SCN8A: variants seen among roughly 807,000 people sequenced by gnomAD.
SCN8A encodes sodium voltage-gated channel alpha subunit 8.
In SCN8A, 30 loss-of-function variants were observed where a neutral mutation model predicts 184.1. The ratio of observed to expected loss-of-function variants is 0.16; its 90% CI spans 0.12 to 0.22. The LOEUF is 0.22. Among genes scored for constraint, SCN8A ranks in the 10% least tolerant of loss-of-function variants. SCN8A has a pLI of 1.00. For synonymous variants in SCN8A, 852 were observed against 907.0 expected, an observed-to-expected ratio of 0.94 and a Z score of 1.09; for missense variants, 1,057 against 2,498.9, an observed-to-expected ratio of 0.42 and a Z score of 12.30.
intron 6 of SCN8A, among the ~76,000 whole-genome samples, chr12:51,698,719 A>G (rs572110852): frequency 4.6e-5 from 7 of 152,368 alleles, no homozygotes; most frequent in South Asian, 2.1e-4. Flanking sequence ...TAGGACAGAA[A>G]AAAGATCATT....
At chr12:51,620,199 G>A (rs1939929808) in intron 1 of SCN8A, among the ~76,000 whole-genome samples, 2 of 152,098 alleles carry the variant, frequency 1.3e-5, no homozygotes, top group African/African-American at 4.8e-5. Context: ...ATACAATGGA[G>A]CATTTTCTTA....
intron 1 of SCN8A, among the ~76,000 whole-genome samples, chr12:51,640,230 T>G (rs1334470727): frequency 3.7e-4 from 45 of 122,304 alleles, no homozygotes; most frequent in African/African-American, 1.3e-3. Context: ...TTTTTTTTTT[T>G]TTTTTTTTTT....
intron 1 of SCN8A, among the ~76,000 whole-genome samples, chr12:51,650,017 C>G (rs1348798633): frequency 6.6e-6 from 1 of 152,152 alleles, no homozygotes; most frequent in Non-Finnish European, 1.5e-5. Context: ...TTTCTTCTGC[C>G]AGATACCCTA....
intron 1 of SCN8A, among the ~76,000 whole-genome samples, chr12:51,607,661 T>A (rs754510823): frequency 4.6e-5 from 7 of 152,226 alleles, no homozygotes; most frequent in Non-Finnish European, 8.8e-5. Flanking sequence ...TGTCGAATGC[T>A]TTTTCTGCAT....
At chr12:51,799,851 C>T (rs973276429) in intron 26 of SCN8A, among the ~76,000 whole-genome samples, 4 of 152,202 alleles carry the variant, frequency 2.6e-5, no homozygotes, top group Non-Finnish European at 5.9e-5. Context: ...GAAGGAATAT[C>T]TTGACAGGCC....
intron 5 of SCN8A, 120 bp from the exon 6 acceptor site, chr12:51,688,885 T>C: frequency 6.3e-7 from 1 of 1,581,620 alleles, no homozygotes; most frequent in Non-Finnish European, 8.7e-7. Flanking sequence ...GGTGTTGGGA[T>C]AGGGCCCTGA....
At chr12:51,664,907 G>A (rs988487447) in intron 2 of SCN8A, among the ~76,000 whole-genome samples, 6 of 152,020 alleles carry the variant, frequency 3.9e-5, no homozygotes, top group Non-Finnish European at 5.9e-5. Flanking sequence ...GACAGGCCCC[G>A]ATGTGTGTTG....
intron 12 of SCN8A, among the ~76,000 whole-genome samples, chr12:51,726,217 T>C (rs1458693051): frequency 6.6e-6 from 1 of 152,240 alleles, no homozygotes. Flanking sequence ...GACTTTTTCC[T>C]GCGTCTCCAT....
chr12:51,757,872 T>C (rs1304802879), intron 14 of SCN8A, among the ~76,000 whole-genome samples: 2 of 152,236 alleles, frequency 1.3e-5, no homozygotes, highest in Admixed American at 6.5e-5. Context: ...AGAACCATTG[T>C]TTTATAGAAT....
intron 26 of SCN8A, among the ~76,000 whole-genome samples, chr12:51,799,721 C>T (rs1265454382): frequency 1.3e-5 from 2 of 152,284 alleles, no homozygotes; most frequent in East Asian, 3.9e-4. Flanking sequence ...ATAAATGGGC[C>T]GGAGTAACAT....
At chr12:51,619,217 G>A (rs973528466) in intron 1 of SCN8A, among the ~76,000 whole-genome samples, 4 of 152,104 alleles carry the variant, frequency 2.6e-5, no homozygotes, top group South Asian at 2.1e-4. Context: ...AGAAGGCCTC[G>A]TTCTTTTTAG....
chr12:51,780,600 TTTTTG>T, intron 20 of SCN8A, 44 bp from the exon 21 acceptor site: 4 of 426,500 alleles, frequency 9.4e-6, no homozygotes, highest in Non-Finnish European at 1.6e-5. Context: ...TTTTTTTTTT[TTTTTG>T]GTTACCTTTT....
At chr12:51,641,693 G>T (rs1940457645) in intron 1 of SCN8A, among the ~76,000 whole-genome samples, 1 of 152,188 alleles carries the variant, frequency 6.6e-6, no homozygotes. Context: ...ACCAATGCGT[G>T]TCCCACATCT....
chr12:51,695,938 A>C (rs765785337), intron 6 of SCN8A, among the ~76,000 whole-genome samples: 1 of 152,186 alleles, frequency 6.6e-6, no homozygotes, highest in Non-Finnish European at 1.5e-5. Flanking sequence ...GTTGGAGCTC[A>C]TGGCCTAGAA....
intron 1 of SCN8A, among the ~76,000 whole-genome samples, chr12:51,600,445 A>T (rs1939439196): frequency 6.6e-6 from 1 of 152,230 alleles, no homozygotes; most frequent in Non-Finnish European, 1.5e-5. Context: ...AGTAACTGAA[A>T]GGATTTTAGT....
Position 51,694,343 on chromosome 12 carries a change from C to A in SCN8A, c.707-5227C>A, listed in dbSNP as rs375518210. Among the ~76,000 whole-genome samples the A allele has an allele frequency of 9.8e-5, 15 of 152,360 alleles. No individual in the cohort carries two copies. In the South Asian group the frequency reaches 1.7e-3, roughly 17 times the overall value. On this transcript the variant is annotated intron_variant, in intron 6 of 26. Coordinates refer to ENST00000627620, the MANE Select transcript of SCN8A (RefSeq NM_001330260.2). ...TAGGCAGGCATTGTTCATTTGTTCACAGGATTCCTGGGCATTGTGAAACGT... is the reference window on the plus strand; with the variant it reads ...TAGGCAGGCATTGTTCATTTGTTCAAAGGATTCCTGGGCATTGTGAAACGT...
At chr12:51,605,001 G>T (rs909268648) in intron 1 of SCN8A, among the ~76,000 whole-genome samples, 2 of 152,020 alleles carry the variant, frequency 1.3e-5, no homozygotes, top group South Asian at 2.1e-4. Context: ...TCCTCCTAAC[G>T]TCCACCCTAA....
At chr12:51,772,064 T>C (rs1393481655) in intron 19 of SCN8A, among the ~76,000 whole-genome samples, 1 of 152,212 alleles carries the variant, frequency 6.6e-6, no homozygotes, top group Non-Finnish European at 1.5e-5. Flanking sequence ...TTTGGTTCAG[T>C]ACCTGCAGAC....
rs172559 is a variant in SCN8A, at chr12:51,810,462, T to A, written c.*3033T>A. 1 of 449,152 alleles carries A rather than the reference T, an allele frequency of 2.2e-6. No homozygotes were observed. The highest frequency in any genetic ancestry group is 4.5e-6 in the Non-Finnish European group (1 of 224,198). 27.8% of individuals were successfully genotyped at this position (449,152 alleles called of 1,614,324 possible). The stretch of plus-strand genomic sequence containing the variant: ...TCTTCGCTGAGTGGGTAAGTGGCAA[T>A]GCTTTGCCAAATATTAACGAAGCCA... On this transcript the variant is annotated 3_prime_UTR_variant, in exon 27 of 27. Coordinates refer to ENST00000627620, the MANE Select transcript of SCN8A (RefSeq NM_001330260.2).
Sources: gnomAD v4.1 joint callset for allele counts (sites outside exome capture counted in the v4.1 genomes callset) on GRCh38, gnomAD v4.1.1 for gene constraint, MANE v1.5 for transcripts, NCBI Gene and HGNC (gene_info 2026-07-23, HGNC 2026-07-21) for gene names.